Variants in ORC5 observed in about 807,000 individuals in gnomAD.
ORC5 encodes the protein protein phosphatase 1, regulatory subunit 117.
In ORC5, 39 loss-of-function variants were observed where a neutral mutation model predicts 58.8. The observed-to-expected ratio is 0.66, with a 90% CI of 0.51 to 0.87. ORC5 has a LOEUF of 0.87. ORC5 is among the 40% of genes least tolerant of loss of function. The pLI is 0.00. For synonymous variants in ORC5, 218 were observed against 177.6 expected (o/e 1.23, Z -1.81); for missense variants, 493 against 506.3 (o/e 0.97, Z 0.25).
At chr7:104,177,921 T>C (rs1043065343) in intron 8 of ORC5, among the ~76,000 whole-genome samples, 4 of 152,254 alleles carry the variant, frequency 2.6e-5, no homozygotes, top group African/African-American at 9.6e-5. Context: ...CATGGCTGCA[T>C]AGTATTCCAT....
intron 12 of ORC5, among the ~76,000 whole-genome samples, chr7:104,154,425 A>G (rs949903193): frequency 2.5e-4 from 38 of 152,028 alleles, no homozygotes; most frequent in African/African-American, 9.2e-4. Context: ...TTAAGTACTT[A>G]TTAGTATTCA....
At chr7:104,139,805 C>G (rs1198237817) in intron 12 of ORC5, among the ~76,000 whole-genome samples, 1 of 151,784 alleles carries the variant, frequency 6.6e-6, no homozygotes, top group Non-Finnish European at 1.5e-5. Flanking sequence ...ACATATATGT[C>G]TATTACACAA....
At position 104,207,932 on chromosome 7, in the gene ORC5, T is replaced by C. The variant is rs369489161; in HGVS notation, c.-28A>G. ...TGGCAGGCACCACCGCAGAGGCCAG[T>C]GCAGCCAGCCCACAGGACCCTTGCA... is the stretch of plus-strand genomic sequence containing the variant. On this transcript the variant is annotated 5_prime_UTR_variant, in exon 1 of 14. Coordinates refer to ENST00000297431, the MANE Select transcript of ORC5 (RefSeq NM_002553.4). The C allele has an allele frequency of 4.8e-5, 78 of 1,608,418 alleles. 1 individual carries two copies. Among genetic ancestry groups the C allele is most frequent in the Middle Eastern group, 1.6e-4 (1 of 6,082 alleles).
At chr7:104,188,997 CTG>C (rs984795071) in intron 5 of ORC5, among the ~76,000 whole-genome samples, 2 of 152,108 alleles carry the variant, frequency 1.3e-5, no homozygotes, top group Non-Finnish European at 2.9e-5. Context: ...AGCCCACAGA[CTG>C]TGAGTCTATT....
chr7:104,165,996 T>C (rs1483320954), intron 10 of ORC5, among the ~76,000 whole-genome samples: 1 of 151,824 alleles, frequency 6.6e-6, no homozygotes, highest in Admixed American at 6.6e-5. Context: ...ATCACACCAC[T>C]GCACTCTGGC....
intron 5 of ORC5, among the ~76,000 whole-genome samples, chr7:104,191,416 G>A (rs904700318): frequency 3.3e-5 from 5 of 151,986 alleles, no homozygotes; most frequent in Non-Finnish European, 5.9e-5. Flanking sequence ...TAAATGAATG[G>A]CTAAGAAAAT....
At chr7:104,201,890 G>C (rs182537351) in intron 2 of ORC5, among the ~76,000 whole-genome samples, 40 of 150,872 alleles carry the variant, frequency 2.7e-4, no homozygotes, top group Non-Finnish European at 4.9e-4. Flanking sequence ...TGGAGTTCAA[G>C]ATCAGCCTGG....
intron 10 of ORC5, 83 bp from the exon 11 acceptor site, chr7:104,165,365 C>A: frequency 1.3e-6 from 1 of 745,432 alleles, no homozygotes; most frequent in South Asian, 1.6e-5. Flanking sequence ...AAACATGGCA[C>A]ACATAATACT....
chr7:104,167,058 T>A (rs1396321955), intron 9 of ORC5, among the ~76,000 whole-genome samples, 174 bp from the exon 10 acceptor site: 1 of 151,564 alleles, frequency 6.6e-6, no homozygotes, highest in South Asian at 2.1e-4. Flanking sequence ...ACACTATTAT[T>A]AATGACAGGC....
At chr7:104,206,004 T>C (rs1436358158) in intron 1 of ORC5, among the ~76,000 whole-genome samples, 1 of 152,166 alleles carries the variant, frequency 6.6e-6, no homozygotes, top group African/African-American at 2.4e-5. Context: ...CCAAACCCTG[T>C]CTCAAAAAAC....
At chr7:104,167,246 C>T (rs986635722) in intron 9 of ORC5, among the ~76,000 whole-genome samples, 53 of 152,202 alleles carry the variant, frequency 3.5e-4, no homozygotes, top group African/African-American at 9.6e-4. Context: ...TAACGTGATG[C>T]CTTATATTAA....
chr7:104,201,072 C>T (rs1799931922), intron 2 of ORC5, 114 bp from the exon 3 acceptor site: 2 of 781,362 alleles, frequency 2.6e-6, no homozygotes, highest in South Asian at 1.8e-5. Context: ...CCAAACCCAC[C>T]CCATGCCCCA....
intron 8 of ORC5, among the ~76,000 whole-genome samples, chr7:104,168,951 G>A (rs778291885): frequency 3.2e-4 from 49 of 152,076 alleles, no homozygotes; most frequent in Non-Finnish European, 8.8e-5. Context: ...GTATGGTGGC[G>A]CATGCCTATA....
At position 104,200,770 on chromosome 7, in the gene ORC5, C is replaced by T. The variant is rs779047316; in HGVS notation, c.354G>A (p.Gln118=). The T allele has an allele frequency of 1.3e-6, 2 of 1,586,082 alleles. No individual in the cohort carries two copies. Among genetic ancestry groups the T allele is most frequent in the African/African-American group, 1.3e-5 (1 of 74,374 alleles). Residue 118 remains glutamine (Q), a synonymous_variant, in exon 3 of 14, where the codon CAG becomes CAA. Coordinates refer to ENST00000297431, the MANE Select transcript of ORC5 (RefSeq NM_002553.4). The stretch of plus-strand genomic sequence containing the variant: ...TGAAATTACTTACAATATATACAGT[C>T]TGATCTTTAAGATTTTCAGCTGTGG... ...QVTTAENLKD[Q]TVYIVLDKAE...
At chr7:104,142,769 T>G (rs1357888364) in intron 12 of ORC5, among the ~76,000 whole-genome samples, 10 of 152,164 alleles carry the variant, frequency 6.6e-5, no homozygotes, top group Non-Finnish European at 1.2e-4. Flanking sequence ...TTAATAATGA[T>G]AAAATGCAGG....
At chr7:104,173,057 A>T (rs906937939) in intron 8 of ORC5, among the ~76,000 whole-genome samples, 1 of 152,110 alleles carries the variant, frequency 6.6e-6, no homozygotes, top group African/African-American at 2.4e-5. Context: ...CCCAACAAGT[A>T]GAGCCAGGGA....
At position 104,161,128 on chromosome 7, in the gene ORC5, T is replaced by G; in HGVS notation, c.1093A>C (p.Ile365Leu). Residue 365 changes from isoleucine (I) to leucine (L), a missense_variant, in exon 12 of 14, where the codon ATA becomes CTA. By Grantham distance (5) the Ile-to-Leu change is conservative. Around this residue, in one of 3 missense-constraint regions of ORC5, gnomAD observed 77 missense variants for 86.1 expected, o/e 0.89. Coordinates refer to ENST00000297431, the MANE Select transcript of ORC5 (RefSeq NM_002553.4). ...KPFPLDRLLA[I>L]LYSIVDSRVA... ...CTGCTGTCCACGATACTATATAATA[T>G]TGCTAATAATCTGTCTAGTGGAAAT... 14 of 1,611,490 alleles carry G rather than the reference T, an allele frequency of 8.7e-6. No homozygotes were observed. Among genetic ancestry groups the G allele is most frequent in the Non-Finnish European group, 1.1e-5 (13 of 1,177,870 alleles).
chr7:104,204,080 T>G (rs1584529325), intron 2 of ORC5, 62 bp downstream of exon 2: 1 of 812,578 alleles, frequency 1.2e-6, no homozygotes, highest in East Asian at 2.8e-5. Flanking sequence ...AGATTCACAA[T>G]TATCAGTACC....
chr7:104,161,719 C>T (rs1046862312), intron 11 of ORC5, among the ~76,000 whole-genome samples: 5 of 152,122 alleles, frequency 3.3e-5, no homozygotes, highest in African/African-American at 1.2e-4. Flanking sequence ...ACATATTCCT[C>T]AAGATTTCTG....
Sources: gnomAD v4.1 joint callset for allele counts (sites outside exome capture counted in the v4.1 genomes callset) on GRCh38, gnomAD v4.1.1 for gene constraint, gnomAD v4.1.1 regional missense constraint, MANE v1.5 for transcripts, NCBI Gene and HGNC (gene_info 2026-07-23, HGNC 2026-07-21) for gene names.